ARHGAP9: variants seen among roughly 807,000 people sequenced by gnomAD.
ARHGAP9 encodes Rho GTPase activating protein 9.
ARHGAP9 carries 76 observed loss-of-function variants against 87.3 expected under a neutral mutation model. The observed-to-expected ratio is 0.87, with a 90% CI of 0.72 to 1.05. The LOEUF (loss-of-function observed/expected upper bound fraction) is 1.05. Ranked by LOEUF, ARHGAP9 falls within the 50% of genes least tolerant of loss-of-function variation. The pLI, the probability that ARHGAP9 is intolerant of heterozygous loss-of-function variation, is 0.00. For synonymous variants in ARHGAP9, 382 were observed against 394.9 expected, an observed-to-expected ratio of 0.97 and a Z score of 0.39; for missense variants, 941 against 960.5, an observed-to-expected ratio of 0.98 and a Z score of 0.27.
upstream of ARHGAP9, chr12:57,480,755 C>A: frequency 6.5e-7 from 1 of 1,548,866 alleles, no homozygotes; most frequent in South Asian, 1.2e-5. Context: ...ACTTTAAAAC[C>A]CACACTTCTG....
At chr12:57,476,272 CCT>C (rs1345292768) in intron 8 of ARHGAP9, 90 bp downstream of exon 8, 2 of 1,525,230 alleles carry the variant, frequency 1.3e-6, no homozygotes, top group African/African-American at 2.7e-5. Flanking sequence ...TCTTTACTTT[CCT>C]CTGCACCGCC....
At chr12:57,477,782 C>A (rs763532090) in intron 3 of ARHGAP9, 102 bp from the exon 4 acceptor site, 1 of 1,542,490 alleles carries the variant, frequency 6.5e-7, no homozygotes, top group South Asian at 1.2e-5. Flanking sequence ...ATTGTCTTCT[C>A]ACCGCCAGCT....
At position 57,478,370 on chromosome 12, in the gene ARHGAP9, C is replaced by T. The variant is rs556364613; in HGVS notation, c.534+170G>A. On this transcript the variant is annotated intron_variant, in intron 3 of 17. Transcript: ENST00000393791. ...CCTCACAGATGTCTCCCCGCACCAC[C>T]TCAGCCACTCTCCACCACATTAACT... 85 of 690,164 alleles carry T rather than the reference C, an allele frequency of 1.2e-4. No homozygotes were observed. In the African/African-American group the frequency reaches 1.3e-3, roughly 10 times the overall value. The allele number at this position is 690,164 out of a possible 1,614,324, so 42.8% of individuals were successfully genotyped here. A position where few individuals can be genotyped will look rare whatever the true frequency, so the allele number is the denominator to read the frequency against.
upstream of ARHGAP9, among the ~76,000 whole-genome samples, chr12:57,484,533 C>G (rs1875258808): frequency 6.6e-6 from 1 of 152,180 alleles, no homozygotes; most frequent in African/African-American, 2.4e-5. Context: ...TTGTTGATAA[C>G]TGTACCTTCA....
chr12:57,475,433 C>T (rs1469244987), intron 11 of ARHGAP9, 35 bp from the exon 12 acceptor site: 1 of 1,576,554 alleles, frequency 6.3e-7, no homozygotes, highest in Non-Finnish European at 8.6e-7. Context: ...CGTGAGCGCC[C>T]GGGAGCCTCG....
chr12:57,483,772 G>A (rs1328118765), upstream of ARHGAP9: 39 of 365,586 alleles, frequency 1.1e-4, 1 homozygote, highest in South Asian at 7.1e-4. Flanking sequence ...AGGCGTGATG[G>A]CTCACACCTG....
exon 1 of ARHGAP9, chr12:57,488,625 C>T: frequency 6.4e-7 from 1 of 1,551,060 alleles, no homozygotes; most frequent in Non-Finnish European, 8.7e-7. Context: ...TTCTCATTCT[C>T]AGCCGATTGT....
Position 57,475,334 on chromosome 12 carries a change from C to T in ARHGAP9, c.1509G>A (p.Lys503=). ...CCTGCAGGCTTTGTAAGGGCGGTCT[C>T]TTCGCGATGAGCCGCTTTAGTTTGT... ...VRNKLKRLIA[K]RPPLQSLQER... Residue 503 remains lysine, a synonymous_variant, in exon 12 of 18, where the codon AAG becomes AAA. Transcript: ENST00000393791. 7 of 1,603,124 alleles carry T rather than the reference C, an allele frequency of 4.4e-6. No homozygotes were observed. The highest frequency in any genetic ancestry group is 6.0e-6 in the Non-Finnish European group (7 of 1,174,656).
Position 57,476,982 on chromosome 12 carries a change from G to C in ARHGAP9, c.871-19C>G, listed in dbSNP as rs1348206142. The C allele has an allele frequency of 6.3e-7, 1 of 1,596,256 alleles. No individual in the cohort carries two copies. Among genetic ancestry groups the C allele is most frequent in the Admixed American group, 1.7e-5 (1 of 59,108 alleles). On this transcript the variant is annotated intron_variant, in intron 5 of 17. Coordinates refer to ENST00000393791, the MANE Select transcript of ARHGAP9 (RefSeq NM_032496.4). Reference sequence around the variant, plus strand: ...GTGAACCCTAGGGGAGAGGATTGGAGAAACAGGTGGGGAAACGCTCGACTC... The same window carrying C: ...GTGAACCCTAGGGGAGAGGATTGGACAAACAGGTGGGGAAACGCTCGACTC...
intron 1 of ARHGAP9, chr12:57,488,589 C>G (rs747412580): frequency 1.3e-6 from 2 of 1,551,088 alleles, no homozygotes; most frequent in Non-Finnish European, 1.7e-6. Flanking sequence ...TCCTAACACA[C>G]ACACACGTTC....
intron 6 of ARHGAP9, 36 bp downstream of exon 6, chr12:57,476,826 GGGGCAGGGA>G: frequency 6.5e-7 from 1 of 1,545,728 alleles, no homozygotes; most frequent in Non-Finnish European, 8.9e-7. Context: ...GGGGGGAGGG[GGGGCAGGGA>G]GGATCTTGGC....
intron 17 of ARHGAP9, 94 bp from the exon 18 acceptor site, chr12:57,472,782 T>G (rs1373883359): frequency 6.6e-6 from 9 of 1,363,014 alleles, no homozygotes; most frequent in Non-Finnish European, 7.2e-6. Flanking sequence ...CAGGGAAGAG[T>G]TCACTCTGGG....
At position 57,476,658 on chromosome 12, in the gene ARHGAP9, A is replaced by C. The variant is rs1343045148; in HGVS notation, c.964-7T>G. On this transcript the variant is annotated splice_region_variant and splice_polypyrimidine_tract_variant and intron_variant, in intron 6 of 17. Transcript: ENST00000393791. ...GACCCGACTTTTCCACCTCCTGGGA[A>C]GTGGAGGGAATGGGATCTGTAAGTC... is the stretch of plus-strand genomic sequence containing the variant. 6.3e-7 allele frequency: 1 copy of C among 1,597,866 alleles called. No individual in the cohort carries two copies. Among genetic ancestry groups the C allele is most frequent in the South Asian group, 1.1e-5 (1 of 90,446 alleles).
upstream of ARHGAP9, among the ~76,000 whole-genome samples, chr12:57,482,325 C>T (rs917856346): frequency 2.0e-5 from 3 of 152,014 alleles, no homozygotes; most frequent in Admixed American, 2.0e-4. Context: ...ACTGCAACCT[C>T]CGCCTCCCAG....
At chr12:57,477,991 G>A (rs1297644985) in intron 3 of ARHGAP9, 1 of 1,198,506 alleles carries the variant, frequency 8.3e-7, no homozygotes, top group African/African-American at 1.6e-5. Context: ...TGTTGAAGGG[G>A]GTGCCCCACC....
intron 1 of ARHGAP9, among the ~76,000 whole-genome samples, chr12:57,484,882 G>T (rs1198329533): frequency 1.3e-5 from 2 of 152,066 alleles, no homozygotes; most frequent in African/African-American, 4.8e-5. Context: ...CTGACCTCAG[G>T]TGATCCGCCT....
At chr12:57,478,431 T>C in intron 3 of ARHGAP9, 109 bp downstream of exon 3, 1 of 1,121,086 alleles carries the variant, frequency 8.9e-7, no homozygotes, top group Non-Finnish European at 1.3e-6. Context: ...AAGCGTTATC[T>C]TATTTATTTG....
chr12:57,475,362 C>A lies in ARHGAP9; in HGVS notation c.1481G>T (p.Arg494Leu). 6.2e-7 allele frequency: 1 copy of A among 1,602,278 alleles called. No individual in the cohort carries two copies. The highest frequency in any genetic ancestry group is 8.5e-7 in the Non-Finnish European group (1 of 1,174,350). ...CGCGATGAGCCGCTTTAGTTTGTTG[C>A]GCACGCGGTTCTGCTCGGTGCCTTC... ...GPEGTEQNRV[R>L]NKLKRLIAKR... Residue 494 changes from arginine (R) to leucine (L), a missense_variant, in exon 12 of 18, where the codon CGC (arginine) becomes CTC (leucine). Physicochemically the swap from Arg to Leu is moderately radical, Grantham distance 102 (BLOSUM62 -2). Transcript: ENST00000393791.
In ARHGAP9 at chr12:57,474,520, T is replaced by A. The variant is rs78574561; in HGVS notation, c.1730-44A>T. ...GAGATCAGGAGCTAAGACATACACTTCCAGCCTGACGGCCTCTCTATTCTG... is the reference window on the plus strand; with the variant it reads ...GAGATCAGGAGCTAAGACATACACTACCAGCCTGACGGCCTCTCTATTCTG... On this transcript the variant is annotated intron_variant, in intron 14 of 17. Transcript: ENST00000393791. 8.1e-3 allele frequency: 13,112 copies of A among 1,613,740 alleles called. 823 individuals are homozygous for A. In the African/African-American group the frequency reaches 0.15, roughly 18 times the overall value.
Sources: allele counts gnomAD v4.1 joint callset (sites outside exome capture counted in the v4.1 genomes callset), GRCh38; gene constraint gnomAD v4.1.1; transcripts MANE v1.5; gene names NCBI Gene and HGNC (gene_info 2026-07-23, HGNC 2026-07-21).